Variants in CENPP observed in about 807,000 individuals in gnomAD.
The protein encoded by CENPP is centromere protein P.
CENPP carries 24 observed loss-of-function variants against 35.6 expected under a neutral mutation model. The ratio of observed to expected loss-of-function variants is 0.67; its 90% CI spans 0.49 to 0.95. The LOEUF is 0.95. CENPP is among the 40% of genes least tolerant of loss of function. CENPP has a pLI of 0.00. For missense variants in CENPP, 332 were observed against 345.3 expected, an observed-to-expected ratio of 0.96 and a Z score of 0.31; for synonymous variants, 120 against 125.5, an observed-to-expected ratio of 0.96 and a Z score of 0.29.
chr9:92,474,721 T>C (rs1209618984), intron 5 of CENPP: 2 of 1,611,480 alleles, frequency 1.2e-6, no homozygotes, highest in South Asian at 1.1e-5. Flanking sequence ...TTGGCTCTCT[T>C]GTTGGAAAAA....
At chr9:92,418,539 A>G (rs972652405) in intron 5 of CENPP, among the ~76,000 whole-genome samples, 1 of 152,116 alleles carries the variant, frequency 6.6e-6, no homozygotes, top group Non-Finnish European at 1.5e-5. Flanking sequence ...ACATCAGTCA[A>G]CTACAGTCTG....
At chr9:92,459,287 C>A (rs893801153) in intron 5 of CENPP, among the ~76,000 whole-genome samples, 12 of 152,218 alleles carry the variant, frequency 7.9e-5, no homozygotes, top group Admixed American at 2.0e-4. Context: ...CAAAAGGACA[C>A]GTGACACTGC....
chr9:92,351,951 T>G (rs1046176096), intron 4 of CENPP, among the ~76,000 whole-genome samples: 4 of 152,032 alleles, frequency 2.6e-5, no homozygotes, highest in African/African-American at 9.7e-5. Flanking sequence ...GACTGGTTTA[T>G]TTCGCTGAGT....
chr9:92,489,745 T>C (rs192569202), intron 5 of CENPP, among the ~76,000 whole-genome samples: 1 of 152,292 alleles, frequency 6.6e-6, no homozygotes, highest in East Asian at 1.9e-4. Context: ...TTCCGTGCCA[T>C]GGACATGATC....
chr9:92,500,160 G>A (rs536758826), intron 5 of CENPP, among the ~76,000 whole-genome samples: 1 of 152,222 alleles, frequency 6.6e-6, no homozygotes, highest in Non-Finnish European at 1.5e-5. Context: ...TCTCTCTAAA[G>A]TTCTAAGTGT....
chr9:92,489,480 C>T (rs1846130397), intron 5 of CENPP, among the ~76,000 whole-genome samples: 2 of 152,202 alleles, frequency 1.3e-5, no homozygotes, highest in Admixed American at 1.3e-4. Context: ...ATTTATAGGA[C>T]AGGCTCATTG....
At chr9:92,447,008 C>G (rs899832224) in intron 5 of CENPP, among the ~76,000 whole-genome samples, 8 of 151,964 alleles carry the variant, frequency 5.3e-5, no homozygotes, top group Admixed American at 2.0e-4. Context: ...GTGGGGACAT[C>G]TGGCCTTCTA....
intron 5 of CENPP, among the ~76,000 whole-genome samples, chr9:92,406,301 G>T (rs1187008396): frequency 6.6e-6 from 1 of 152,094 alleles, no homozygotes; most frequent in Non-Finnish European, 1.5e-5. Flanking sequence ...TAGACAGGGG[G>T]AATAGAGGTT....
At chr9:92,328,071 G>A (rs1451427373) in intron 1 of CENPP, among the ~76,000 whole-genome samples, 1 of 152,102 alleles carries the variant, frequency 6.6e-6, no homozygotes, top group African/African-American at 2.4e-5. Context: ...AGGTTTCTTT[G>A]GGGTCCCCTT....
intron 5 of CENPP, chr9:92,494,173 T>C (rs767739949): frequency 1.3e-5 from 20 of 1,592,800 alleles, no homozygotes; most frequent in Non-Finnish European, 1.7e-5. Flanking sequence ...GAGTAAGAAA[T>C]GAATGAATGA....
chr9:92,470,803 TATATA>T (rs1845483597), intron 5 of CENPP: 2 of 1,326,058 alleles, frequency 1.5e-6, no homozygotes, highest in Non-Finnish European at 2.1e-6. Context: ...ACAAACATAT[TATATA>T]ATAGAGAATC....
At chr9:92,390,597 C>T (rs376547493) in intron 5 of CENPP, among the ~76,000 whole-genome samples, 7 of 149,038 alleles carry the variant, frequency 4.7e-5, no homozygotes, top group South Asian at 2.2e-4. Flanking sequence ...TGCGCGCGCG[C>T]GTACTTGCGT....
intron 5 of CENPP, among the ~76,000 whole-genome samples, chr9:92,606,732 C>T (rs997509661): frequency 2.4e-4 from 37 of 152,170 alleles, no homozygotes; most frequent in Admixed American, 1.8e-3. Context: ...GGTGAAACCC[C>T]ATCTCTACTA....
At chr9:92,577,298 G>T (rs1850306814) in intron 5 of CENPP, among the ~76,000 whole-genome samples, 1 of 152,142 alleles carries the variant, frequency 6.6e-6, no homozygotes, top group Non-Finnish European at 1.5e-5. Context: ...CTGATCACTT[G>T]AGGCCAGGAG....
chr9:92,547,566 G>T (rs922308301), intron 5 of CENPP, among the ~76,000 whole-genome samples: 1 of 152,190 alleles, frequency 6.6e-6, no homozygotes, highest in Admixed American at 6.6e-5. Flanking sequence ...AGTCACAAAA[G>T]ACCACATATT....
At chr9:92,403,473 C>T in intron 5 of CENPP, 3 of 1,514,828 alleles carry the variant, frequency 2.0e-6, no homozygotes, top group African/African-American at 1.4e-5. Flanking sequence ...GGACAAAACT[C>T]TCTTTTTCCC....
chr9:92,343,962 CAAAAAAAAAA>C (rs35920973), intron 3 of CENPP, among the ~76,000 whole-genome samples: 1 of 60,988 alleles, frequency 1.6e-5, no homozygotes, highest in East Asian at 5.6e-4. Context: ...AACCCTGTCT[CAAAAAAAAAA>C]AAAAAAAAAA....
chr9:92,379,706 A>G, intron 4 of CENPP, 57 bp from the exon 5 acceptor site: 1 of 1,293,532 alleles, frequency 7.7e-7, no homozygotes, highest in South Asian at 1.2e-5. Context: ...AAATAAAGCT[A>G]GATTGGGTCT....
At chr9:92,362,141 C>T (rs74473181) in intron 4 of CENPP, among the ~76,000 whole-genome samples, 1 of 152,012 alleles carries the variant, frequency 6.6e-6, no homozygotes, top group Non-Finnish European at 1.5e-5. Context: ...TGCCATGTTT[C>T]ACTTTGTCAT....
Sources: gnomAD v4.1 joint callset for allele counts (sites outside exome capture counted in the v4.1 genomes callset) on GRCh38, gnomAD v4.1.1 for gene constraint, MANE v1.5 for transcripts, NCBI Gene and HGNC (gene_info 2026-07-23, HGNC 2026-07-21) for gene names.